The following SACM1L variants were observed in gnomAD, a reference collection of about 807,000 sequenced individuals.
The protein encoded by SACM1L is SAC1 like phosphatidylinositide phosphatase.
A neutral mutation model predicts 89.5 loss-of-function variants in SACM1L; 32 were observed. The observed-to-expected ratio is 0.36, with a 90% CI of 0.27 to 0.48. The LOEUF is 0.48. Ranked by LOEUF, SACM1L falls within the 20% of genes least tolerant of loss-of-function variation. SACM1L has a pLI of 0.99. For missense variants in SACM1L, 543 were observed against 708.5 expected, an observed-to-expected ratio of 0.77 and a Z score of 2.65; for synonymous variants, 213 against 232.8, an observed-to-expected ratio of 0.92 and a Z score of 0.77.
At chr3:45,737,051 A>G (rs1237091381) in intron 14 of SACM1L, among the ~76,000 whole-genome samples, 1 of 152,146 alleles carries the variant, frequency 6.6e-6, no homozygotes, top group African/African-American at 2.4e-5. Context: ...AGGGGAGTCT[A>G]TAGAGGGGAT....
At chr3:45,717,787 G>C (rs1698695176) in intron 7 of SACM1L, among the ~76,000 whole-genome samples, 1 of 152,230 alleles carries the variant, frequency 6.6e-6, no homozygotes, top group Non-Finnish European at 1.5e-5. Flanking sequence ...ATGGTGGCAT[G>C]TGCCTGTAGT....
intron 7 of SACM1L, among the ~76,000 whole-genome samples, chr3:45,716,496 G>A (rs1432251195): frequency 6.6e-6 from 1 of 152,078 alleles, no homozygotes; most frequent in Non-Finnish European, 1.5e-5. Flanking sequence ...GGGAAAATTG[G>A]TGAAGGTGCA....
At position 45,695,571 on chromosome 3, in the gene SACM1L, C is replaced by T. The variant is rs955063839; in HGVS notation, c.32+6074C>T. Among the ~76,000 whole-genome samples the T allele has an allele frequency of 4.6e-5, 7 of 152,122 alleles. No homozygotes were observed. The East Asian group carries it at 1.2e-3, about 25-fold the overall frequency. On this transcript the variant is annotated intron_variant, in intron 1 of 19. Coordinates refer to ENST00000389061, the MANE Select transcript of SACM1L (RefSeq NM_014016.5). ...CCACTGCACCCAGCCAAATTCTTTA[C>T]GTAAGATTTTTGAGGGAATATGTTC...
chr3:45,731,379 A>C lies in SACM1L; in HGVS notation c.1000A>C (p.Arg334=). ...GTCTTCCTTGGGAAGTGGAATGATG[A>C]GGTACCTCACTAGAAATCTGTTGCA... ...MVSSLGSGMM[R]YIAFDFHKEC... is the part of the protein sequence containing the mutation. Residue 334 remains arginine (R), a splice_region_variant and synonymous_variant, in exon 12 of 20, where the codon AGA becomes CGA. Coordinates refer to ENST00000389061, the MANE Select transcript of SACM1L (RefSeq NM_014016.5). 6.2e-7 allele frequency: 1 copy of C among 1,607,684 alleles called. No individual in the cohort carries two copies. Among genetic ancestry groups the C allele is most frequent in the Non-Finnish European group, 8.5e-7 (1 of 1,174,672 alleles).
At chr3:45,741,271 G>A (rs2742371) in intron 19 of SACM1L, among the ~76,000 whole-genome samples, 95,739 of 152,030 alleles carry the variant, frequency 0.63, 30,575 homozygotes, top group Non-Finnish European at 0.66. Flanking sequence ...TTCACCTTCT[G>A]TCTGGATTTC....
At chr3:45,717,511 A>G (rs1447016894) in intron 7 of SACM1L, among the ~76,000 whole-genome samples, 1 of 152,232 alleles carries the variant, frequency 6.6e-6, no homozygotes, top group Non-Finnish European at 1.5e-5. Context: ...GGAGCAGATA[A>G]ATAGATTCAG....
intron 8 of SACM1L, 55 bp from the exon 9 acceptor site, chr3:45,721,945 G>T: frequency 1.7e-6 from 2 of 1,190,296 alleles, no homozygotes; most frequent in Non-Finnish European, 1.2e-6. Context: ...GTGGGTTTCT[G>T]ATGTGTTTCT....
At chr3:45,694,813 A>T (rs1338701409) in intron 1 of SACM1L, among the ~76,000 whole-genome samples, 1 of 152,182 alleles carries the variant, frequency 6.6e-6, no homozygotes, top group Admixed American at 6.5e-5. Flanking sequence ...TTTGGAAGAT[A>T]TGGGGCTCTG....
intron 2 of SACM1L, among the ~76,000 whole-genome samples, chr3:45,703,863 T>C (rs900473399): frequency 1.3e-5 from 2 of 152,184 alleles, no homozygotes; most frequent in African/African-American, 4.8e-5. Flanking sequence ...AGCTGTAAGA[T>C]TTAAGATATT....
In SACM1L at chr3:45,708,562, T is replaced by C. The variant is rs1017148464; in HGVS notation, c.334-936T>C. ...ACTACAGGATATGCTTTTTATACTT[T>C]AGAATTTCTTTTTTATTATATATAT... On this transcript the variant is annotated intron_variant, in intron 4 of 19. Transcript: ENST00000389061. 5.9e-5 allele frequency among the ~76,000 whole-genome samples: 9 copies of C among 152,034 alleles called. No homozygotes were observed. In the East Asian group the frequency reaches 1.2e-3, roughly 19 times the overall value.
At chr3:45,737,336 T>A (rs1244124902) in intron 14 of SACM1L, 3 of 527,076 alleles carry the variant, frequency 5.7e-6, no homozygotes, top group Non-Finnish European at 9.9e-6. Flanking sequence ...CTGAGTATAG[T>A]CCTGCTGCTA....
In SACM1L at chr3:45,744,942, A is replaced by T. The variant is rs1421555522; in HGVS notation, c.*1273A>T. The T allele has an allele frequency of 6.6e-6, 1 of 152,234 alleles. No individual in the cohort carries two copies. Among genetic ancestry groups the T allele is most frequent in the Non-Finnish European group, 1.5e-5 (1 of 68,038 alleles). The allele number at this position is 152,234 out of a possible 1,614,324, so 9.4% of individuals were successfully genotyped here. On this transcript the variant is annotated 3_prime_UTR_variant, in exon 20 of 20. Transcript: ENST00000389061. Reference sequence around the variant, plus strand: ...ATATTAATACCTTATGTTGTCCTTAAATATTTCTAAAAGCGCCTTTATTTC... The same window carrying T: ...ATATTAATACCTTATGTTGTCCTTATATATTTCTAAAAGCGCCTTTATTTC...
At chr3:45,717,719 C>A (rs1393147132) in intron 7 of SACM1L, among the ~76,000 whole-genome samples, 1 of 152,200 alleles carries the variant, frequency 6.6e-6, no homozygotes, top group Admixed American at 6.5e-5. Context: ...GTCATACCCC[C>A]CTGCTCCCCA....
At chr3:45,723,957 C>G (rs1310805455) in intron 11 of SACM1L, among the ~76,000 whole-genome samples, 2 of 97,946 alleles carry the variant, frequency 2.0e-5, no homozygotes, top group African/African-American at 7.8e-5. Flanking sequence ...TATGCACACA[C>G]ACACACAGAC....
Position 45,719,632 on chromosome 3 carries a change from G to A in SACM1L, c.679+31G>A, listed in dbSNP as rs1343023162. 6.3e-6 allele frequency: 8 copies of A among 1,261,324 alleles called. No homozygotes were observed. In the East Asian group the frequency reaches 1.6e-4, roughly 26 times the overall value. 78.1% of individuals were successfully genotyped at this position (1,261,324 alleles called of 1,614,324 possible). On this transcript the variant is annotated intron_variant, in intron 8 of 19. Transcript: ENST00000389061. Reference sequence around the variant, plus strand: ...AATTTTGTCAGCATGGGTCATATCTGTAATTAATATTTTGTCTTACGGTGA... The same window carrying A: ...AATTTTGTCAGCATGGGTCATATCTATAATTAATATTTTGTCTTACGGTGA...
rs1699366234 is a variant in SACM1L at position 45,743,701 on chromosome 3, AAGATTCCATTGTGC to A, written c.*36_*49del. The stretch of plus-strand genomic sequence containing the variant: ...ATTTGTGGAAAGCGGCTTGGCTTGG[AAGATTCCATTGTGC>A]AGAACTGGAGTCTTTACTGACCCGC... On this transcript the variant is annotated 3_prime_UTR_variant, in exon 20 of 20. Coordinates refer to ENST00000389061, the MANE Select transcript of SACM1L (RefSeq NM_014016.5). 12 of 1,603,456 alleles carry A rather than the reference AAGATTCCATTGTGC, an allele frequency of 7.5e-6. No homozygotes were observed. Among genetic ancestry groups the A allele is most frequent in the Non-Finnish European group, 1.0e-5 (12 of 1,175,090 alleles).
rs547543050 is a variant in SACM1L at position 45,693,720 on chromosome 3, G to C, written c.32+4223G>C. Among the ~76,000 whole-genome samples the C allele has an allele frequency of 1.6e-4, 25 of 152,210 alleles. No individual in the cohort carries two copies. The South Asian group carries it at 5.2e-3, about 32-fold the overall frequency. ...CTCGCATTAGTCCTCAGACATGCCA[G>C]GTATTGAAATGAGTCACTTACAACC... On this transcript the variant is annotated intron_variant, in intron 1 of 19. Coordinates refer to ENST00000389061, the MANE Select transcript of SACM1L (RefSeq NM_014016.5).
At chr3:45,689,558 G>A in intron 1 of SACM1L, 61 bp downstream of exon 1, 2 of 1,524,114 alleles carry the variant, frequency 1.3e-6, no homozygotes, top group Non-Finnish European at 8.9e-7. Context: ...GCGGGCCCTG[G>A]CCTCGGGGAG....
At chr3:45,738,755 T>C in intron 17 of SACM1L, 26 bp from the exon 18 acceptor site, 1 of 1,556,836 alleles carries the variant, frequency 6.4e-7, no homozygotes, top group South Asian at 1.1e-5. Flanking sequence ...ACACTGAGTT[T>C]ACGAATTTCT....
Sources: allele counts gnomAD v4.1 joint callset (sites outside exome capture counted in the v4.1 genomes callset), GRCh38; gene constraint gnomAD v4.1.1; transcripts MANE v1.5; gene names NCBI Gene and HGNC (gene_info 2026-07-23, HGNC 2026-07-21).